Variants in ACTR3 observed in about 807,000 individuals in gnomAD.
ACTR3 encodes the protein actin related protein 3.
In ACTR3, 12 loss-of-function variants were observed where a neutral mutation model predicts 56.8. That is an observed-to-expected ratio of 0.21 (90% CI 0.14 to 0.34). The LOEUF (loss-of-function observed/expected upper bound fraction) is 0.34. Among genes scored for constraint, ACTR3 ranks in the 10% least tolerant of loss-of-function variants. The pLI, the probability that ACTR3 is intolerant of heterozygous loss-of-function variation, is 1.00. For synonymous variants in ACTR3, 162 were observed against 167.4 expected, an observed-to-expected ratio of 0.97 and a Z score of 0.25; for missense variants, 282 against 512.5, an observed-to-expected ratio of 0.55 and a Z score of 4.34.
Position 113,957,073 on chromosome 2 carries a change from A to T in ACTR3, c.1162-287A>T, listed in dbSNP as rs866002508. On this transcript the variant is annotated intron_variant, in intron 11 of 11. Coordinates refer to ENST00000263238, the MANE Select transcript of ACTR3 (RefSeq NM_005721.5). ...AAAGTCTCAACAGAACAGACTGGACATTTGAGAACCTTCCATTTTTCAAAA... is the reference window on the plus strand; with the variant it reads ...AAAGTCTCAACAGAACAGACTGGACTTTTGAGAACCTTCCATTTTTCAAAA... 2.6e-5 allele frequency among the ~76,000 whole-genome samples: 4 copies of T among 152,322 alleles called. No individual in the cohort carries two copies. In the South Asian group the frequency reaches 8.3e-4, roughly 32 times the overall value.
chr2:113,918,021 A>G (rs1178006253), intron 3 of ACTR3, among the ~76,000 whole-genome samples: 2 of 152,200 alleles, frequency 1.3e-5, no homozygotes, highest in Admixed American at 6.5e-5. Flanking sequence ...AAACCAATAT[A>G]TGAAAAGGCT....
chr2:113,900,724 A>T (rs1038799918), intron 1 of ACTR3, among the ~76,000 whole-genome samples: 1 of 152,200 alleles, frequency 6.6e-6, no homozygotes, highest in African/African-American at 2.4e-5. Context: ...GCATTCAGTC[A>T]TGTCTTCTTT....
At chr2:113,922,067 G>A (rs1211962666) in intron 3 of ACTR3, among the ~76,000 whole-genome samples, 4 of 152,156 alleles carry the variant, frequency 2.6e-5, no homozygotes, top group African/African-American at 9.7e-5. Context: ...GTGGTGATTT[G>A]TAACCTGAAT....
At chr2:113,953,674 A>G (rs414090) in intron 10 of ACTR3, 1 of 144,170 alleles carries the variant, frequency 6.9e-6, no homozygotes, top group Admixed American at 7.4e-5. Context: ...CTGTTTCTAT[A>G]AATAGGTGTG....
intron 5 of ACTR3, 123 bp from the exon 6 acceptor site, chr2:113,934,156 A>T: frequency 3.1e-6 from 2 of 655,576 alleles, no homozygotes; most frequent in Non-Finnish European, 5.3e-6. Context: ...TTCTTTCCAC[A>T]GATACTACAT....
chr2:113,928,665 C>T (rs1232784166), intron 4 of ACTR3, among the ~76,000 whole-genome samples: 1 of 151,336 alleles, frequency 6.6e-6, no homozygotes, highest in Non-Finnish European at 1.5e-5. Flanking sequence ...CAGCCATAGA[C>T]AATACTTAAA....
At chr2:113,893,634 C>T (rs749193584) in intron 1 of ACTR3, among the ~76,000 whole-genome samples, 5 of 152,114 alleles carry the variant, frequency 3.3e-5, no homozygotes, top group Non-Finnish European at 7.4e-5. Context: ...CAAGTTTCTC[C>T]ATCATTCAAG....
In ACTR3 at chr2:113,934,283, T is replaced by C; in HGVS notation, c.437T>C (p.Val146Ala). 6 of 1,596,146 alleles carry C rather than the reference T, an allele frequency of 3.8e-6. No homozygotes were observed. Among genetic ancestry groups the C allele is most frequent in the Non-Finnish European group, 5.1e-6 (6 of 1,173,152 alleles). Residue 146 changes from valine (V) to alanine (A), a missense_variant, in exon 6 of 12, where the codon GTT (valine) becomes GCT (alanine). Coordinates refer to ENST00000263238, the MANE Select transcript of ACTR3 (RefSeq NM_005721.5). ...TCTTCTTTCTTTGTGCTCAAGGCTG[T>C]TCTTGCCTTAGCTGCATCTTGGACC... The part of the protein sequence containing the change: ...VPGLYIAVQA[V>A]LALAASWTSR...
At chr2:113,931,264 T>G in intron 4 of ACTR3, 37 bp from the exon 5 acceptor site, 1 of 1,220,394 alleles carries the variant, frequency 8.2e-7, no homozygotes, top group Admixed American at 2.5e-5. Context: ...CAAAATAATC[T>G]GATATTATCT....
intron 1 of ACTR3, among the ~76,000 whole-genome samples, chr2:113,896,726 A>C (rs1179970415): frequency 1.3e-5 from 2 of 152,228 alleles, no homozygotes; most frequent in Non-Finnish European, 2.9e-5. Context: ...TTCTTTAAAA[A>C]AATTGTGGAT....
At chr2:113,926,444 A>G (rs1021399089) in intron 3 of ACTR3, among the ~76,000 whole-genome samples, 14 of 152,226 alleles carry the variant, frequency 9.2e-5, no homozygotes, top group African/African-American at 3.4e-4. Flanking sequence ...TTCTGTTGCT[A>G]TAATGAATAC....
chr2:113,932,697 T>C (rs1679744863), intron 5 of ACTR3, among the ~76,000 whole-genome samples: 1 of 152,210 alleles, frequency 6.6e-6, no homozygotes, highest in African/African-American at 2.4e-5. Context: ...TTCTTGGTTG[T>C]AGATGATAGT....
At chr2:113,933,897 G>A in intron 5 of ACTR3, 2 of 168,118 alleles carry the variant, frequency 1.2e-5, no homozygotes, top group South Asian at 1.4e-4. Context: ...AGCCAGGAAG[G>A]TCTCGATCTC....
At chr2:113,933,337 C>A (rs909824991) in intron 5 of ACTR3, among the ~76,000 whole-genome samples, 1 of 151,934 alleles carries the variant, frequency 6.6e-6, no homozygotes, top group Non-Finnish European at 1.5e-5. Flanking sequence ...GGTGAAACCC[C>A]GTCTCTACTG....
Position 113,917,059 on chromosome 2 carries a change from G to T in ACTR3, c.225+51G>T. 3 of 1,493,686 alleles carry T rather than the reference G, an allele frequency of 2.0e-6. No individual in the cohort carries two copies. The South Asian group carries it at 3.8e-5, about 19-fold the overall frequency. The allele number at this position is 1,493,686 out of a possible 1,614,324, so 92.5% of individuals were successfully genotyped here. A position where few individuals can be genotyped will look rare whatever the true frequency, so the allele number is the denominator to read the frequency against. On this transcript the variant is annotated intron_variant, in intron 3 of 11. Transcript: ENST00000263238. The stretch of plus-strand genomic sequence containing the variant: ...AACATTTTCAAAAAATAGTTTGTTC[G>T]ATGCTTGTGCCCTCTGGAATTCACT...
chr2:113,900,402 G>A (rs1045623792), intron 1 of ACTR3, among the ~76,000 whole-genome samples: 3 of 152,154 alleles, frequency 2.0e-5, no homozygotes, highest in Non-Finnish European at 4.4e-5. Context: ...TTTTGTGACT[G>A]ATTTCTTTCA....
rs1680321272 is a variant in ACTR3 at position 113,961,337 on chromosome 2, T to C, written c.*3882T>C. On this transcript the variant is annotated 3_prime_UTR_variant, in exon 12 of 12. Coordinates refer to ENST00000263238, the MANE Select transcript of ACTR3 (RefSeq NM_005721.5). ...ATAACCTATTTGAGTTAAGGATTTATTACTAGTGCTCCAGTGGTCACAGGA... is the reference window on the plus strand; with the variant it reads ...ATAACCTATTTGAGTTAAGGATTTACTACTAGTGCTCCAGTGGTCACAGGA... 6.6e-6 allele frequency: 1 copy of C among 151,860 alleles called. No homozygotes were observed. The highest frequency in any genetic ancestry group is 2.4e-5 in the African/African-American group (1 of 41,390). The allele number at this position is 151,860 out of a possible 1,614,324, so 9.4% of individuals were successfully genotyped here.
chr2:113,930,521 AAG>A (rs1679700172), intron 4 of ACTR3, among the ~76,000 whole-genome samples: 1 of 152,198 alleles, frequency 6.6e-6, no homozygotes, highest in Admixed American at 6.5e-5. Flanking sequence ...TTTTACATTT[AAG>A]TATTTGAGAT....
chr2:113,895,059 T>A (rs980116899), intron 1 of ACTR3, among the ~76,000 whole-genome samples: 1 of 111,372 alleles, frequency 9.0e-6, no homozygotes, highest in African/African-American at 3.4e-5. Flanking sequence ...TGGTTTAGGT[T>A]CCCCCCCCCC....
Sources: gnomAD v4.1 joint callset for allele counts (sites outside exome capture counted in the v4.1 genomes callset) on GRCh38, gnomAD v4.1.1 for gene constraint, MANE v1.5 for transcripts, NCBI Gene and HGNC (gene_info 2026-07-23, HGNC 2026-07-21) for gene names.